The following RSRC1 variants were observed in gnomAD, a reference collection of about 807,000 sequenced individuals.
The protein encoded by RSRC1 is arginine and serine rich coiled-coil 1.
Under a neutral mutation model 49.1 loss-of-function variants are expected in RSRC1, and 39 were observed. The ratio of observed to expected loss-of-function variants is 0.79; its 90% CI spans 0.61 to 1.04. RSRC1 has a LOEUF of 1.04. Among genes scored for constraint, RSRC1 ranks in the 50% least tolerant of loss-of-function variants. The pLI is 0.00. For missense variants in RSRC1, 388 were observed against 402.4 expected (o/e 0.96, Z 0.31); for synonymous variants, 143 against 130.8 (o/e 1.09, Z -0.63).
chr3:158,490,113 C>G (rs1383809800), intron 7 of RSRC1, among the ~76,000 whole-genome samples: 1 of 152,144 alleles, frequency 6.6e-6, no homozygotes, highest in East Asian at 1.9e-4. Flanking sequence ...GAGACAGAGT[C>G]TCACTCTGTC....
chr3:158,360,844 T>A (rs76474519), intron 6 of RSRC1, among the ~76,000 whole-genome samples: 1 of 152,100 alleles, frequency 6.6e-6, no homozygotes, highest in African/African-American at 2.4e-5. Context: ...AGCCCCAACT[T>A]GGGGGCTGCA....
intron 3 of RSRC1, among the ~76,000 whole-genome samples, chr3:158,177,660 A>T (rs895387058): frequency 6.6e-6 from 1 of 151,984 alleles, no homozygotes; most frequent in African/African-American, 2.4e-5. Flanking sequence ...GGGGGCTGGG[A>T]GAGGGATAGC....
chr3:158,226,284 C>T (rs1302326858), intron 4 of RSRC1, among the ~76,000 whole-genome samples: 1 of 151,966 alleles, frequency 6.6e-6, no homozygotes, highest in East Asian at 1.9e-4. Context: ...CTTTCTCCTA[C>T]TATTCATTCT....
chr3:158,419,984 C>T (rs1181795844), intron 6 of RSRC1, among the ~76,000 whole-genome samples: 1 of 151,748 alleles, frequency 6.6e-6, no homozygotes, highest in African/African-American at 2.4e-5. Context: ...CCTCTGCCTC[C>T]CTCCACTCCT....
chr3:158,427,222 G>A (rs1024957939), intron 6 of RSRC1, among the ~76,000 whole-genome samples: 1 of 151,668 alleles, frequency 6.6e-6, no homozygotes, highest in Non-Finnish European at 1.5e-5. Context: ...CTAGACTGAA[G>A]TATCACCACC....
chr3:158,369,739 A>C (rs1003865401), intron 6 of RSRC1, among the ~76,000 whole-genome samples: 1 of 152,068 alleles, frequency 6.6e-6, no homozygotes, highest in African/African-American at 2.4e-5. Context: ...TTGTCATCCC[A>C]AAAAAGCCAA....
intron 7 of RSRC1, among the ~76,000 whole-genome samples, chr3:158,524,987 G>A (rs189216638): frequency 4.6e-5 from 7 of 152,088 alleles, no homozygotes; most frequent in Non-Finnish European, 1.5e-5. Flanking sequence ...AGAACTTCTA[G>A]AAGAAAATTT....
At chr3:158,307,218 G>A (rs915287571) in intron 5 of RSRC1, among the ~76,000 whole-genome samples, 4 of 151,778 alleles carry the variant, frequency 2.6e-5, no homozygotes, top group African/African-American at 9.7e-5. Flanking sequence ...TGGAAAATAA[G>A]CAGAGTGCTG....
intron 5 of RSRC1, among the ~76,000 whole-genome samples, chr3:158,352,227 A>G (rs1578375745): frequency 1.3e-5 from 2 of 151,992 alleles, no homozygotes; most frequent in East Asian, 3.9e-4. Flanking sequence ...AGCCATGATC[A>G]CACTGCTGCA....
chr3:158,354,418 C>T (rs1419507700), intron 5 of RSRC1, among the ~76,000 whole-genome samples: 1 of 152,146 alleles, frequency 6.6e-6, no homozygotes, highest in African/African-American at 2.4e-5. Flanking sequence ...CACAATTGTT[C>T]CTTTAAATTC....
intron 4 of RSRC1, among the ~76,000 whole-genome samples, chr3:158,213,237 A>G (rs1721778981): frequency 6.6e-6 from 1 of 151,956 alleles, no homozygotes; most frequent in South Asian, 2.1e-4. Flanking sequence ...GATAGGAATA[A>G]CATATGTCTC....
At chr3:158,492,105 A>AAG (rs993608859) in intron 7 of RSRC1, among the ~76,000 whole-genome samples, 1 of 152,048 alleles carries the variant, frequency 6.6e-6, no homozygotes, top group Non-Finnish European at 1.5e-5. Flanking sequence ...ACATGGCAGC[A>AAG]AGAGAGAGAG....
At chr3:158,266,160 T>G (rs1725163446) in intron 4 of RSRC1, among the ~76,000 whole-genome samples, 2 of 152,144 alleles carry the variant, frequency 1.3e-5, no homozygotes, top group South Asian at 4.1e-4. Flanking sequence ...TGTTTGTTCT[T>G]GGAAAAACAC....
chr3:158,149,051 T>C (rs1012484386), intron 3 of RSRC1, among the ~76,000 whole-genome samples: 1 of 152,250 alleles, frequency 6.6e-6, no homozygotes, highest in Non-Finnish European at 1.5e-5. Context: ...TCCAAAGTGC[T>C]GGGATTACAG....
rs187080585 is a variant in RSRC1, at chr3:158,333,570, A to G, written c.532-21287A>G. Among the ~76,000 whole-genome samples the G allele has an allele frequency of 7.2e-4, 110 of 152,320 alleles. No individual in the cohort carries two copies. In the South Asian group the frequency reaches 0.012, roughly 17 times the overall value. On this transcript the variant is annotated intron_variant, in intron 5 of 9. Transcript: ENST00000611884. ...TGGTTCAGACAGCTCGATATTTAAT[A>G]TATTTTTTAGGACAAAACATATTGT...
chr3:158,190,056 T>C (rs1199613021), intron 3 of RSRC1, among the ~76,000 whole-genome samples: 1 of 151,942 alleles, frequency 6.6e-6, no homozygotes, highest in Non-Finnish European at 1.5e-5. Context: ...CCAACACACT[T>C]TTTTCCCTCT....
At chr3:158,196,593 A>G (rs546949228) in intron 3 of RSRC1, among the ~76,000 whole-genome samples, 5 of 152,250 alleles carry the variant, frequency 3.3e-5, no homozygotes, top group African/African-American at 1.2e-4. Context: ...TTCAAAGGGA[A>G]TGCTTCCAGT....
chr3:158,117,419 C>G (rs1714907580), intron 1 of RSRC1, among the ~76,000 whole-genome samples: 1 of 152,146 alleles, frequency 6.6e-6, no homozygotes, highest in African/African-American at 2.4e-5. Context: ...GCCTCAGCCC[C>G]CTCAAGTAGC....
At chr3:158,515,968 C>G (rs1403433413) in intron 7 of RSRC1, among the ~76,000 whole-genome samples, 2 of 151,092 alleles carry the variant, frequency 1.3e-5, no homozygotes, top group Admixed American at 6.6e-5. Context: ...TTAAGCACTT[C>G]TCTGTATTGG....
Sources: allele counts gnomAD v4.1 joint callset (sites outside exome capture counted in the v4.1 genomes callset), GRCh38; gene constraint gnomAD v4.1.1; transcripts MANE v1.5; gene names NCBI Gene and HGNC (gene_info 2026-07-23, HGNC 2026-07-21).